The following DYNC2H1 variants were observed in gnomAD, a reference collection of about 807,000 sequenced individuals.
The protein encoded by DYNC2H1 is cytoplasmic dynein 2 heavy chain 1.
A neutral mutation model predicts 570.0 loss-of-function variants in DYNC2H1; 410 were observed. The observed-to-expected ratio is 0.72, with a 90% confidence interval of 0.66 to 0.78. DYNC2H1 has a LOEUF of 0.78. DYNC2H1 is among the 30% of genes least tolerant of loss of function. The probability of loss-of-function intolerance (pLI) is 0.00; values close to 1 mark genes in which losing one functional copy is unlikely to be tolerated. For synonymous variants in DYNC2H1, 1,688 were observed against 1,677.6 expected (o/e 1.01, Z -0.15); for missense variants, 4,865 against 5,046.4 (o/e 0.96, Z 1.09).
Position 103,243,193 on chromosome 11 carries a change from G to A in DYNC2H1, c.9820-500G>A, listed in dbSNP as rs1306568464. Among the ~76,000 whole-genome samples, 4 of 151,986 alleles carry A rather than the reference G, an allele frequency of 2.6e-5. 1 individual carries two copies. The highest frequency in any genetic ancestry group is 3.9e-4 in the East Asian group (2 of 5,192). ...TGAACAATTATATTGATAATTAGCA[G>A]TGTTTTAATGATTTGCTCATACTTC... On this transcript the variant is annotated intron_variant, in intron 63 of 88. Transcript: ENST00000375735. The surrounding 1 kb of genome is among the most constrained non-coding windows in gnomAD (Gnocchi z 4.8).
chr11:103,442,893 A>G (rs1372954329), intron 85 of DYNC2H1, among the ~76,000 whole-genome samples: 1 of 151,528 alleles, frequency 6.6e-6, no homozygotes, highest in African/African-American at 2.4e-5. Flanking sequence ...GTAACCAGTG[A>G]TTGTTAGTAA....
chr11:103,188,954 T>G (rs2135039737), intron 44 of DYNC2H1, among the ~76,000 whole-genome samples: 1 of 152,192 alleles, frequency 6.6e-6, no homozygotes, highest in East Asian at 1.9e-4. Context: ...AAATGTTTTA[T>G]GCAGTTCATG....
rs1444933074 is a variant in DYNC2H1 at position 103,319,440 on chromosome 11, G to A, written c.11726-1589G>A. The stretch of plus-strand genomic sequence containing the variant: ...CCTAATCTTTAAGCCTGAGTTTCCT[G>A]ATCTTTAAATTAGGAATGATAGTAG... On this transcript the variant is annotated intron_variant, in intron 80 of 88. Coordinates refer to ENST00000375735, the MANE Select transcript of DYNC2H1 (RefSeq NM_001377.3). The surrounding 1 kb of genome is among the most constrained non-coding windows in gnomAD (Gnocchi z 4.3). Among the ~76,000 whole-genome samples the A allele has an allele frequency of 6.6e-6, 1 of 152,120 alleles. No homozygotes were observed. Among genetic ancestry groups the A allele is most frequent in the Non-Finnish European group, 1.5e-5 (1 of 67,984 alleles).
chr11:103,370,994 A>C (rs1941121941), intron 83 of DYNC2H1, among the ~76,000 whole-genome samples: 1 of 152,180 alleles, frequency 6.6e-6, no homozygotes, highest in South Asian at 2.1e-4. Flanking sequence ...AATCCTGGAG[A>C]CACAGAAATA....
chr11:103,383,603 A>T (rs1941755566), intron 83 of DYNC2H1, among the ~76,000 whole-genome samples: 1 of 151,802 alleles, frequency 6.6e-6, no homozygotes. Context: ...CCTCCCGAGT[A>T]GCTGAGACCA....
Position 103,268,936 on chromosome 11 carries a change from GA to G in DYNC2H1, c.10695+8961del, listed in dbSNP as rs1341184802. On this transcript the variant is annotated intron_variant, in intron 70 of 88. Coordinates refer to ENST00000375735, the MANE Select transcript of DYNC2H1 (RefSeq NM_001377.3). This position sits in a 1 kb window ranked among gnomAD's most constrained non-coding sequence, Gnocchi z 4.6. ...TGTCATATTTTATAATGTAATTTGGGAAGGATAAAATGATTTAATATATTAG... is the reference window on the plus strand; with the variant it reads ...TGTCATATTTTATAATGTAATTTGGGAGGATAAAATGATTTAATATATTAG... Among the ~76,000 whole-genome samples the G allele has an allele frequency of 2.6e-5, 4 of 152,002 alleles. No individual in the cohort carries two copies. The highest frequency in any genetic ancestry group is 5.9e-5 in the Non-Finnish European group (4 of 67,942).
At chr11:103,183,288 A>C (rs1315736153) in intron 40 of DYNC2H1, among the ~76,000 whole-genome samples, 2 of 151,888 alleles carry the variant, frequency 1.3e-5, no homozygotes, top group African/African-American at 4.8e-5. Flanking sequence ...CAATGCAGAT[A>C]CTTTGAGGTA....
intron 83 of DYNC2H1, among the ~76,000 whole-genome samples, chr11:103,383,300 AG>A (rs1262331912): frequency 6.6e-6 from 1 of 151,800 alleles, no homozygotes; most frequent in East Asian, 2.1e-4. Context: ...TCTGTAAAGA[AG>A]AACTTCAGTT....
At chr11:103,136,013 T>A in intron 17 of DYNC2H1, 65 bp downstream of exon 17, 1 of 1,319,292 alleles carries the variant, frequency 7.6e-7, no homozygotes, top group Non-Finnish European at 1.0e-6. Context: ...GAATTTACAT[T>A]AAATGTATAC....
At chr11:103,312,855 T>C (rs11225695) in intron 79 of DYNC2H1, among the ~76,000 whole-genome samples, 26,293 of 152,142 alleles carry the variant, frequency 0.17, 2,460 homozygotes, top group Admixed American at 0.26. Flanking sequence ...ATAAAAGCCA[T>C]TGGTATCTGT....
intron 82 of DYNC2H1, among the ~76,000 whole-genome samples, chr11:103,354,205 T>G (rs1026029061): frequency 7.0e-6 from 1 of 143,828 alleles, no homozygotes; most frequent in African/African-American, 2.6e-5. Flanking sequence ...AAAAAAAATC[T>G]CCTGTTTAGC....
chr11:103,159,662 T>A (rs1409888286), intron 28 of DYNC2H1, among the ~76,000 whole-genome samples: 3 of 152,198 alleles, frequency 2.0e-5, no homozygotes, highest in Non-Finnish European at 4.4e-5. Context: ...TAATGACTAT[T>A]ATTTTCTTAA....
chr11:103,306,821 G>C (rs552255610), intron 77 of DYNC2H1, among the ~76,000 whole-genome samples: 1 of 152,060 alleles, frequency 6.6e-6, no homozygotes, highest in East Asian at 1.9e-4. Context: ...ACAAATACTT[G>C]CTGAGTACAA....
intron 79 of DYNC2H1, 102 bp from the exon 80 acceptor site, chr11:103,316,443 T>G (rs929251029): frequency 8.3e-5 from 58 of 702,662 alleles, no homozygotes; most frequent in Non-Finnish European, 1.3e-4. Context: ...AGTTATATAT[T>G]TTTAAGTCTA....
Position 103,455,432 on chromosome 11 carries a change from C to G in DYNC2H1, c.12566+137C>G, listed in dbSNP as rs1384074. The G allele has an allele frequency of 0.17, 117,614 of 696,850 alleles. 11,318 individuals are homozygous for G. The highest frequency in any genetic ancestry group is 0.29 in the East Asian group (10,773 of 36,702). 43.2% of individuals were successfully genotyped at this position (696,850 alleles called of 1,614,324 possible). A position where few individuals can be genotyped will look rare whatever the true frequency, so the allele number is the denominator to read the frequency against. Reference sequence around the variant, plus strand: ...CACAGTTATGTTATTTTCTTATTCTCTACTTTAAATCATACAGTTAACCTT... The same window carrying G: ...CACAGTTATGTTATTTTCTTATTCTGTACTTTAAATCATACAGTTAACCTT... On this transcript the variant is annotated intron_variant, in intron 86 of 88. Transcript: ENST00000375735.
intron 47 of DYNC2H1, among the ~76,000 whole-genome samples, chr11:103,193,080 C>G (rs1167953042): frequency 6.6e-6 from 1 of 152,076 alleles, no homozygotes; most frequent in African/African-American, 2.4e-5. Flanking sequence ...GAGTACCTAT[C>G]CTAAAGGGAA....
chr11:103,291,437 C>CAATA (rs749615097), intron 75 of DYNC2H1, among the ~76,000 whole-genome samples: 2,999 of 130,062 alleles, frequency 0.023, 47 homozygotes, highest in Non-Finnish European at 0.03. Context: ...GCCTCCATCT[C>CAATA]AATAAATAAA....
intron 36 of DYNC2H1, among the ~76,000 whole-genome samples, chr11:103,174,729 G>A (rs1222606915): frequency 6.6e-6 from 1 of 151,990 alleles, no homozygotes; most frequent in Non-Finnish European, 1.5e-5. Flanking sequence ...CTTTCTTACT[G>A]CGTCATATCA....
rs1861186667 is a variant in DYNC2H1 at position 103,163,648 on chromosome 11, T to C, written c.4611+501T>C. Among the ~76,000 whole-genome samples, 1 of 152,206 alleles carries C rather than the reference T, an allele frequency of 6.6e-6. No individual in the cohort carries two copies. On this transcript the variant is annotated intron_variant, in intron 30 of 88. Transcript: ENST00000375735. This position sits in a 1 kb window ranked among gnomAD's most constrained non-coding sequence, Gnocchi z 4.6. Reference sequence around the variant, plus strand: ...GAGTTCATCCCTGAACACTGGGTACTAGATATTTAGCTTACAAAATTTGTA... The same window carrying C: ...GAGTTCATCCCTGAACACTGGGTACCAGATATTTAGCTTACAAAATTTGTA...
Sources: gnomAD v4.1 joint callset for allele counts (sites outside exome capture counted in the v4.1 genomes callset) on GRCh38, gnomAD v4.1.1 for gene constraint, Gnocchi (gnomAD v3.1) non-coding constraint, MANE v1.5 for transcripts, NCBI Gene and HGNC (gene_info 2026-07-23, HGNC 2026-07-21) for gene names.